COTL1: variants seen among roughly 807,000 people sequenced by gnomAD.
COTL1 encodes the protein coactosin-like protein.
In COTL1, 15 loss-of-function variants were observed where a neutral mutation model predicts 16.5. That is an observed-to-expected ratio of 0.91 (90% confidence interval 0.61 to 1.40). The LOEUF is 1.40. Among genes scored for constraint, COTL1 ranks in the 40% most tolerant of loss-of-function variants. The pLI is 0.00. For missense variants in COTL1, 220 were observed against 201.5 expected, an observed-to-expected ratio of 1.09 and a Z score of -0.56; for synonymous variants, 112 against 85.3, an observed-to-expected ratio of 1.31 and a Z score of -1.73.
chr16:84,573,768 TAC>T (rs3086225), intron 3 of COTL1, among the ~76,000 whole-genome samples: 50,110 of 145,926 alleles, frequency 0.34, 9,143 homozygotes, highest in East Asian at 0.55. Flanking sequence ...TATATATACA[TAC>T]ACACACACAC....
chr16:84,611,001 G>C (rs1905311229), intron 2 of COTL1, among the ~76,000 whole-genome samples: 1 of 152,112 alleles, frequency 6.6e-6, no homozygotes, highest in African/African-American at 2.4e-5. Flanking sequence ...CACATTTATT[G>C]AGCTTTACTC....
intron 3 of COTL1, chr16:84,577,069 AATGAAAACACACAGCT>A (rs1213955948): frequency 2.0e-5 from 3 of 152,260 alleles, no homozygotes; most frequent in Non-Finnish European, 4.4e-5. Flanking sequence ...AGAGGAGCCA[AATGAAAACACACAGCT>A]ATGAAACCCA....
chr16:84,599,567 T>C (rs1225343832), intron 2 of COTL1, among the ~76,000 whole-genome samples: 1 of 152,134 alleles, frequency 6.6e-6, no homozygotes, highest in African/African-American at 2.4e-5. Context: ...CCTTATACGT[T>C]ATCTGTGGGC....
In COTL1 at chr16:84,590,376, G is replaced by A. The variant is rs529545812; in HGVS notation, c.161-114C>T. ...GCCTGGAGCAGCACAGCAGGAGACC[G>A]GTGCAGTTCCCTGGGAGCACCATGT... On this transcript the variant is annotated intron_variant, in intron 2 of 3. Coordinates refer to ENST00000262428, the MANE Select transcript of COTL1 (RefSeq NM_021149.5). The surrounding 1 kb of genome is among the most constrained non-coding windows in gnomAD (Gnocchi z 5.5). The A allele has an allele frequency of 1.0e-5, 13 of 1,254,136 alleles. No individual in the cohort carries two copies. Among genetic ancestry groups the A allele is most frequent in the Middle Eastern group, 2.3e-4 (1 of 4,300 alleles). 77.7% of individuals were successfully genotyped at this position (1,254,136 alleles called of 1,614,324 possible).
At chr16:84,616,369 C>T (rs1453605473) in intron 2 of COTL1, 1 of 151,962 alleles carries the variant, frequency 6.6e-6, no homozygotes, top group Non-Finnish European at 1.5e-5. Flanking sequence ...CAGGCGTGGT[C>T]GTGGGCGCCT....
intron 2 of COTL1, among the ~76,000 whole-genome samples, chr16:84,614,380 A>C (rs1453824917): frequency 6.6e-6 from 1 of 151,894 alleles, no homozygotes; most frequent in African/African-American, 2.4e-5. Context: ...GGCAGCACAG[A>C]CACCCCGTGG....
At chr16:84,607,449 A>G (rs1905236452) in intron 2 of COTL1, among the ~76,000 whole-genome samples, 2 of 152,124 alleles carry the variant, frequency 1.3e-5, no homozygotes, top group African/African-American at 4.8e-5. Context: ...TCCAAGGAAA[A>G]TGTCAGGTTC....
chr16:84,586,494 A>G (rs1904737060), intron 3 of COTL1, among the ~76,000 whole-genome samples: 1 of 152,220 alleles, frequency 6.6e-6, no homozygotes, highest in South Asian at 2.1e-4. Context: ...AAAGTTCTGG[A>G]ACTAGACAGC....
At chr16:84,601,244 G>A (rs1184603791) in intron 2 of COTL1, among the ~76,000 whole-genome samples, 1 of 152,168 alleles carries the variant, frequency 6.6e-6, no homozygotes, top group Non-Finnish European at 1.5e-5. Context: ...CTGTGATACA[G>A]GGATTTTGCT....
intron 3 of COTL1, among the ~76,000 whole-genome samples, chr16:84,580,944 C>T (rs894840163): frequency 7.9e-5 from 12 of 152,158 alleles, no homozygotes; most frequent in African/African-American, 2.4e-4. Context: ...AGTCTGAGAC[C>T]AGCCTGGCCA....
In COTL1 at chr16:84,605,260, T is replaced by G. The variant is rs1006620122; in HGVS notation, c.160+12241A>C. ...GCTGGGGTGCAGGGGGTGTCAGGAG[T>G]GGGGGCGAGAAGCACACACGCCAGG... On this transcript the variant is annotated intron_variant, in intron 2 of 3. Coordinates refer to ENST00000262428, the MANE Select transcript of COTL1 (RefSeq NM_021149.5). Among the ~76,000 whole-genome samples, 3 of 151,592 alleles carry G rather than the reference T, an allele frequency of 2.0e-5. No individual in the cohort carries two copies. The East Asian group carries it at 5.8e-4, about 30-fold the overall frequency.
In COTL1 at chr16:84,608,723, T is replaced by C. The variant is rs1299523803; in HGVS notation, c.160+8778A>G. Among the ~76,000 whole-genome samples, 6 of 152,038 alleles carry C rather than the reference T, an allele frequency of 3.9e-5. No homozygotes were observed. The East Asian group carries it at 5.8e-4, about 15-fold the overall frequency. ...GAGTTCGAGACCTGCCTGGACAACA[T>C]AGTGAAACCCTGTCTCTACAAAAGA... is the stretch of plus-strand genomic sequence containing the variant. On this transcript the variant is annotated intron_variant, in intron 2 of 3. Transcript: ENST00000262428.
At chr16:84,591,368 A>T (rs1365025666) in intron 2 of COTL1, among the ~76,000 whole-genome samples, 2 of 151,652 alleles carry the variant, frequency 1.3e-5, no homozygotes, top group Non-Finnish European at 2.9e-5. Flanking sequence ...TATTTTTAGT[A>T]GAGATGGGGT....
chr16:84,574,460 ACTTCT>A (rs1412746332), intron 3 of COTL1, among the ~76,000 whole-genome samples: 2 of 151,798 alleles, frequency 1.3e-5, no homozygotes, highest in African/African-American at 4.8e-5. Context: ...CAGACGGGGG[ACTTCT>A]CTTTTCTTGC....
intron 2 of COTL1, among the ~76,000 whole-genome samples, chr16:84,601,351 T>C (rs1027567686): frequency 1.1e-4 from 16 of 151,710 alleles, no homozygotes; most frequent in African/African-American, 3.9e-4. Flanking sequence ...TGGCAAAGAG[T>C]TGTGACTGGC....
intron 3 of COTL1, among the ~76,000 whole-genome samples, chr16:84,586,978 C>G (rs1336366138): frequency 6.6e-6 from 1 of 152,118 alleles, no homozygotes; most frequent in Non-Finnish European, 1.5e-5. Flanking sequence ...CCTGGCGAGC[C>G]CCCTCCCTCT....
At chr16:84,611,705 T>A (rs543199260) in intron 2 of COTL1, among the ~76,000 whole-genome samples, 39 of 152,230 alleles carry the variant, frequency 2.6e-4, no homozygotes, top group African/African-American at 4.8e-5. Context: ...AGTTCCTGAG[T>A]GTTTGCAAAA....
At position 84,601,893 on chromosome 16, in the gene COTL1, G is replaced by A. The variant is rs59223463; in HGVS notation, c.161-11631C>T. On this transcript the variant is annotated intron_variant, in intron 2 of 3. Coordinates refer to ENST00000262428, the MANE Select transcript of COTL1 (RefSeq NM_021149.5). Reference sequence around the variant, plus strand: ...CAGCCTCTGCTGGCAAGTTCAAAACGCCTTCCTCCACCAGCCCTTCTCTCT... The same window carrying A: ...CAGCCTCTGCTGGCAAGTTCAAAACACCTTCCTCCACCAGCCCTTCTCTCT... Among the ~76,000 whole-genome samples the A allele has an allele frequency of 5.9e-3, 901 of 152,268 alleles. 17 individuals are homozygous for A. The highest frequency in any genetic ancestry group is 0.059 in the East Asian group (303 of 5,168).
intron 2 of COTL1, among the ~76,000 whole-genome samples, chr16:84,611,392 G>A (rs141408495): frequency 1.3e-5 from 2 of 152,234 alleles, no homozygotes; most frequent in Non-Finnish European, 2.9e-5. Flanking sequence ...GAAGAAGAGG[G>A]GAAGATAGGG....
Sources: gnomAD v4.1 joint callset for allele counts (sites outside exome capture counted in the v4.1 genomes callset) on GRCh38, gnomAD v4.1.1 for gene constraint, Gnocchi (gnomAD v3.1) non-coding constraint, MANE v1.5 for transcripts, NCBI Gene and HGNC (gene_info 2026-07-23, HGNC 2026-07-21) for gene names.